WNT7B: variants seen among roughly 807,000 people sequenced by gnomAD.
WNT7B encodes the protein Wnt family member 7B, also known as protein Wnt-7b.
WNT7B carries 19 observed loss-of-function variants against 38.2 expected under a neutral mutation model. The ratio of observed to expected loss-of-function variants is 0.50; its 90% CI spans 0.35 to 0.73. WNT7B has a LOEUF of 0.73. Ranked by LOEUF, WNT7B falls within the 30% of genes least tolerant of loss-of-function variation. The pLI is 0.01. For missense variants in WNT7B, 423 were observed against 507.9 expected (o/e 0.83, Z 1.61); for synonymous variants, 243 against 209.3 (o/e 1.16, Z -1.39).
intron 1 of WNT7B, among the ~76,000 whole-genome samples, chr22:45,957,082 G>C (rs1422736445): frequency 6.9e-6 from 1 of 144,288 alleles, no homozygotes; most frequent in African/African-American, 2.6e-5. Flanking sequence ...CTCCAGCCTG[G>C]TGACAGAGCG....
chr22:45,937,728 C>A (rs1021430066), intron 2 of WNT7B, among the ~76,000 whole-genome samples: 1 of 152,218 alleles, frequency 6.6e-6, no homozygotes, highest in African/African-American at 2.4e-5. Flanking sequence ...CATTTTTGTC[C>A]GGGCACAGCG....
At chr22:45,927,251 G>C (rs1931113891) in intron 3 of WNT7B, 1 of 985,302 alleles carries the variant, frequency 1.0e-6, no homozygotes, top group East Asian at 1.1e-4. Flanking sequence ...GGGCTGCTCT[G>C]ACAGTTTTCC....
chr22:45,926,923 C>G (rs1356938072), intron 3 of WNT7B: 3 of 985,450 alleles, frequency 3.0e-6, no homozygotes, highest in Non-Finnish European at 3.6e-6. Context: ...CGCTGTGGAC[C>G]CTCAGTCAGG....
intron 2 of WNT7B, among the ~76,000 whole-genome samples, chr22:45,947,022 A>G (rs1445041226): frequency 1.3e-5 from 2 of 152,204 alleles, no homozygotes; most frequent in Non-Finnish European, 2.9e-5. Flanking sequence ...CCTATGGCCC[A>G]GCTCCCAGCC....
chr22:45,944,372 G>A (rs1330929161), intron 2 of WNT7B, among the ~76,000 whole-genome samples: 3 of 152,180 alleles, frequency 2.0e-5, no homozygotes, highest in African/African-American at 4.8e-5. Context: ...AGCCCCTCAG[G>A]CTCCGTCCTC....
At chr22:45,959,812 T>TGAA (rs1932155260) in intron 1 of WNT7B, among the ~76,000 whole-genome samples, 1 of 151,982 alleles carries the variant, frequency 6.6e-6, no homozygotes, top group Non-Finnish European at 1.5e-5. Context: ...ACCCCGCCAC[T>TGAA]GAAAGCATTC....
intron 2 of WNT7B, chr22:45,936,196 G>C: frequency 1.0e-6 from 1 of 983,568 alleles, no homozygotes; most frequent in Non-Finnish European, 1.2e-6. Flanking sequence ...GCCTCGGCAA[G>C]TTACCAGCCC....
chr22:45,951,365 C>A lies in WNT7B; in HGVS notation c.72-1219G>T, dbSNP rs1378879010. Among the ~76,000 whole-genome samples, 1 of 151,592 alleles carries A rather than the reference C, an allele frequency of 6.6e-6. No individual in the cohort carries two copies. Among genetic ancestry groups the A allele is most frequent in the Non-Finnish European group, 1.5e-5 (1 of 68,038 alleles). On this transcript the variant is annotated intron_variant, in intron 1 of 3. Transcript: ENST00000339464. The surrounding 1 kb of genome is among the most constrained non-coding windows in gnomAD (Gnocchi z 4.8). ...ATGCTGGGATTACAGGTGTGAGCCA[C>A]TGCACCCAGCCTTGTGTGTTTTTTT...
chr22:45,956,294 C>T lies in WNT7B; in HGVS notation c.72-6148G>A, dbSNP rs117525848. On this transcript the variant is annotated intron_variant, in intron 1 of 3. Coordinates refer to ENST00000339464, the MANE Select transcript of WNT7B (RefSeq NM_058238.3). ...GCTGCTGGGAGGGCCTATCCTGTGG[C>T]GTCCACAGCACGGGCCGCTGGCCTG... Among the ~76,000 whole-genome samples the T allele has an allele frequency of 3.2e-4, 49 of 152,334 alleles. No homozygotes were observed. In the East Asian group the frequency reaches 4.4e-3, roughly 14 times the overall value.
intron 1 of WNT7B, among the ~76,000 whole-genome samples, chr22:45,970,174 G>A (rs958832165): frequency 1.3e-5 from 2 of 152,208 alleles, no homozygotes; most frequent in South Asian, 2.1e-4. Flanking sequence ...GAAGGCTGGC[G>A]TCAGCGTCTT....
chr22:45,963,769 A>C (rs1046469433), intron 1 of WNT7B, among the ~76,000 whole-genome samples: 2 of 152,082 alleles, frequency 1.3e-5, no homozygotes, highest in Admixed American at 6.5e-5. Flanking sequence ...CTGGCTGCAA[A>C]GCCTGGCTCT....
In WNT7B at chr22:45,976,222, C is replaced by T. The variant is rs1932547555; in HGVS notation, c.71+462G>A. Among the ~76,000 whole-genome samples, 1 of 146,188 alleles carries T rather than the reference C, an allele frequency of 6.8e-6. No individual in the cohort carries two copies. Among genetic ancestry groups the T allele is most frequent in the South Asian group, 2.1e-4 (1 of 4,820 alleles). ...CGCGGCGGGTGCCCCGGCCTGCGCG[C>T]TCGCGGCCGGGTGCGCGCCCCCCGC... On this transcript the variant is annotated intron_variant, in intron 1 of 3. Coordinates refer to ENST00000339464, the MANE Select transcript of WNT7B (RefSeq NM_058238.3). This position sits in a 1 kb window ranked among gnomAD's most constrained non-coding sequence, Gnocchi z 8.5.
chr22:45,934,880 A>G (rs1931473828), intron 2 of WNT7B, among the ~76,000 whole-genome samples: 1 of 152,262 alleles, frequency 6.6e-6, no homozygotes, highest in Non-Finnish European at 1.5e-5. Context: ...TGGCACAATC[A>G]GTAAGAACGA....
intron 3 of WNT7B, among the ~76,000 whole-genome samples, chr22:45,930,240 G>A (rs59644982): frequency 0.18 from 27,238 of 152,252 alleles, 2,590 homozygotes; most frequent in Middle Eastern, 0.24. Flanking sequence ...CTAGCACCTG[G>A]CACAGAAAAG....
chr22:45,928,889 C>T (rs998032503), intron 3 of WNT7B, among the ~76,000 whole-genome samples: 2 of 151,984 alleles, frequency 1.3e-5, no homozygotes, highest in Non-Finnish European at 2.9e-5. Context: ...CCTTGGTTCC[C>T]CATGCCTTTA....
intron 3 of WNT7B, among the ~76,000 whole-genome samples, chr22:45,929,864 C>CATA (rs1931267444): frequency 6.6e-6 from 1 of 150,420 alleles, no homozygotes; most frequent in Non-Finnish European, 1.5e-5. Flanking sequence ...ATCCTTCCAT[C>CATA]CATCCATCCA....
chr22:45,943,135 T>C (rs138967163), intron 2 of WNT7B, among the ~76,000 whole-genome samples: 23 of 152,250 alleles, frequency 1.5e-4, no homozygotes, highest in Non-Finnish European at 2.5e-4. Flanking sequence ...TGTACTGCTG[T>C]ATGTCTCTCC....
At chr22:45,932,424 C>CCCG (rs1555907786) in intron 2 of WNT7B, among the ~76,000 whole-genome samples, 1 of 152,108 alleles carries the variant, frequency 6.6e-6, no homozygotes, top group African/African-American at 2.4e-5. Flanking sequence ...AGACCCCCCC[C>CCCG]GCCAGAAGGG....
intron 1 of WNT7B, among the ~76,000 whole-genome samples, chr22:45,956,878 T>C (rs935623077): frequency 9.9e-5 from 15 of 151,498 alleles, no homozygotes; most frequent in Non-Finnish European, 1.3e-4. Flanking sequence ...GAGGCTGAGA[T>C]GGGTGGATCA....
Sources: allele counts gnomAD v4.1 joint callset (sites outside exome capture counted in the v4.1 genomes callset), GRCh38; gene constraint gnomAD v4.1.1; non-coding constraint Gnocchi (gnomAD v3.1); transcripts MANE v1.5; gene names NCBI Gene and HGNC (gene_info 2026-07-23, HGNC 2026-07-21).